CALN1: variants seen among roughly 807,000 people sequenced by gnomAD.
The protein encoded by CALN1 is calcium-binding protein 8.
In CALN1, 17 loss-of-function variants were observed where a neutral mutation model predicts 30.6. The ratio of observed to expected loss-of-function variants is 0.56; its 90% CI spans 0.38 to 0.83. CALN1 has a LOEUF of 0.83. Ranked by LOEUF, CALN1 falls within the 40% of genes least tolerant of loss-of-function variation. The probability of loss-of-function intolerance (pLI) is 0.00; values close to 1 mark genes in which losing one functional copy is unlikely to be tolerated. For synonymous variants in CALN1, 156 were observed against 131.4 expected (o/e 1.19, Z -1.28); for missense variants, 291 against 354.9 (o/e 0.82, Z 1.45).
intron 2 of CALN1, among the ~76,000 whole-genome samples, chr7:72,298,960 C>A (rs1436978320): frequency 6.6e-6 from 1 of 152,114 alleles, no homozygotes; most frequent in Non-Finnish European, 1.5e-5. Context: ...CCCAATTAAA[C>A]CTCTTTCTTT....
chr7:72,117,760 C>A (rs751081254), intron 3 of CALN1, among the ~76,000 whole-genome samples: 2 of 152,036 alleles, frequency 1.3e-5, no homozygotes, highest in Non-Finnish European at 2.9e-5. Context: ...GAGTTTGAGA[C>A]CAGCCTGGCC....
At chr7:71,822,527 C>A (rs562422290) in intron 5 of CALN1, among the ~76,000 whole-genome samples, 1 of 152,152 alleles carries the variant, frequency 6.6e-6, no homozygotes, top group South Asian at 2.1e-4. Flanking sequence ...GGATTGCAGG[C>A]GTGAGTCACC....
At chr7:72,375,639 TATAAAA>T (rs1412309007) in intron 2 of CALN1, among the ~76,000 whole-genome samples, 2 of 151,394 alleles carry the variant, frequency 1.3e-5, no homozygotes, top group African/African-American at 4.9e-5. Context: ...ATTAGGCACA[TATAAAA>T]ATATAGACTT....
chr7:72,079,044 G>T (rs932271811), intron 4 of CALN1, among the ~76,000 whole-genome samples: 16 of 152,198 alleles, frequency 1.1e-4, no homozygotes, highest in Non-Finnish European at 2.2e-4. Context: ...CTCGGCTGCT[G>T]CAGTTTCGCA....
chr7:72,149,404 A>T (rs113348993), intron 3 of CALN1, among the ~76,000 whole-genome samples: 23 of 151,778 alleles, frequency 1.5e-4, no homozygotes, highest in African/African-American at 5.3e-4. Flanking sequence ...GAGGTGGAGG[A>T]TGCAGTGAGC....
intron 2 of CALN1, among the ~76,000 whole-genome samples, chr7:72,328,713 T>TGA (rs780644155): frequency 2.0e-5 from 3 of 152,234 alleles, no homozygotes; most frequent in Non-Finnish European, 2.9e-5. Context: ...TTACTTTTGT[T>TGA]GAGACAGAGT....
At position 72,308,403 on chromosome 7, in the gene CALN1, G is replaced by GAA. The variant is rs1264666201; in HGVS notation, c.120-29594_120-29593insTT. On this transcript the variant is annotated intron_variant, in intron 2 of 6. Coordinates refer to ENST00000395275, the MANE Select transcript of CALN1 (RefSeq NM_031468.4). ...AGAGAGAGAGAGAGAGAGAGAGAGAGAGGAAAGAAAGGAAAGAAAGAAGAA... is the reference window on the plus strand; with the variant it reads ...AGAGAGAGAGAGAGAGAGAGAGAGAGAAAGGAAAGAAAGGAAAGAAAGAAGAA... 1.6e-3 allele frequency among the ~76,000 whole-genome samples: 202 copies of GAA among 129,648 alleles called. 1 individual carries two copies. The highest frequency in any genetic ancestry group is 2.5e-3 in the Admixed American group (32 of 12,612). The allele number at this position is 129,648 out of a possible 152,430, so 85.1% of individuals were successfully genotyped here.
intron 5 of CALN1, among the ~76,000 whole-genome samples, chr7:71,928,127 C>T (rs1795361409): frequency 1.3e-5 from 2 of 152,168 alleles, no homozygotes; most frequent in Non-Finnish European, 2.9e-5. Context: ...TGGAGGAGGG[C>T]TTTCTCTCAC....
intron 2 of CALN1, chr7:72,336,644 AG>A (rs1802063417): frequency 6.2e-6 from 6 of 965,450 alleles, no homozygotes; most frequent in Non-Finnish European, 7.4e-6. Flanking sequence ...GCGAGGACCG[AG>A]GGAAGAAGAA....
At position 72,022,608 on chromosome 7, in the gene CALN1, G is replaced by A. The variant is rs549119803; in HGVS notation, c.501+1049C>T. Among the ~76,000 whole-genome samples the A allele has an allele frequency of 8.5e-5, 13 of 152,144 alleles. No homozygotes were observed. The South Asian group carries it at 2.7e-3, about 32-fold the overall frequency. ...GGGATCTCGCTATGTTACCCAGACT[G>A]GTCTTGAACTCCTGGCCTCAAGCGA... On this transcript the variant is annotated intron_variant, in intron 5 of 6. Transcript: ENST00000395275.
At chr7:72,045,247 G>A (rs1227864619) in intron 4 of CALN1, among the ~76,000 whole-genome samples, 2 of 152,170 alleles carry the variant, frequency 1.3e-5, no homozygotes, top group African/African-American at 2.4e-5. Flanking sequence ...AGGAAGAGTC[G>A]TGAACAGCAT....
chr7:71,809,197 G>A (rs1207569635), intron 6 of CALN1, among the ~76,000 whole-genome samples: 1 of 152,114 alleles, frequency 6.6e-6, no homozygotes, highest in Non-Finnish European at 1.5e-5. Context: ...CAACCTCAGA[G>A]TACAGGCCAT....
At chr7:72,219,133 T>G (rs1793074649) in intron 3 of CALN1, among the ~76,000 whole-genome samples, 1 of 152,206 alleles carries the variant, frequency 6.6e-6, no homozygotes, top group Non-Finnish European at 1.5e-5. Flanking sequence ...CTCAATTACC[T>G]CTAGTGACCC....
chr7:71,847,796 A>AG (rs1562835679), intron 5 of CALN1, among the ~76,000 whole-genome samples: 1 of 143,196 alleles, frequency 7.0e-6, no homozygotes, highest in African/African-American at 2.6e-5. Context: ...AAGAAGAAGA[A>AG]AAGAAGAAAA....
At chr7:72,474,885 G>C in the CALN1 span, among the ~76,000 whole-genome samples, 4 of 152,058 alleles carry the variant, frequency 2.6e-5, no homozygotes, top group Non-Finnish European at 4.4e-5. Flanking sequence ...CTTTGCCCAG[G>C]CTTCATTATC....
chr7:71,918,642 C>T (rs185072519), intron 5 of CALN1, among the ~76,000 whole-genome samples: 1 of 152,222 alleles, frequency 6.6e-6, no homozygotes, highest in South Asian at 2.1e-4. Context: ...AAGCAAAGAC[C>T]CCCTTCATCT....
chr7:72,352,892 T>C (rs1483074476), intron 2 of CALN1, among the ~76,000 whole-genome samples: 2 of 151,968 alleles, frequency 1.3e-5, no homozygotes, highest in East Asian at 3.9e-4. Flanking sequence ...AAACACCAAG[T>C]ACCAAGATCA....
intron 6 of CALN1, among the ~76,000 whole-genome samples, chr7:71,805,872 G>C (rs1417299864): frequency 6.6e-6 from 1 of 152,276 alleles, no homozygotes; most frequent in Non-Finnish European, 1.5e-5. Context: ...GATAAAGAAA[G>C]TGTGTACATA....
intron 4 of CALN1, among the ~76,000 whole-genome samples, chr7:72,044,126 CATCAGGTTG>C (rs1802309328): frequency 6.6e-6 from 1 of 152,032 alleles, no homozygotes. Flanking sequence ...AACCAAACCA[CATCAGGTTG>C]AATATGAGAG....
Sources: allele counts gnomAD v4.1 joint callset (sites outside exome capture counted in the v4.1 genomes callset), GRCh38; gene constraint gnomAD v4.1.1; transcripts MANE v1.5; gene names NCBI Gene and HGNC (gene_info 2026-07-23, HGNC 2026-07-21).